FARS2: variants seen among roughly 807,000 people sequenced by gnomAD.
FARS2 encodes phenylalanine--tRNA ligase, mitochondrial.
Under a neutral mutation model 46.4 loss-of-function variants are expected in FARS2, and 40 were observed. That is an observed-to-expected ratio of 0.86 (90% CI 0.67 to 1.12). The LOEUF is 1.12. FARS2 is among the 50% of genes most tolerant of loss of function. The probability of loss-of-function intolerance (pLI) is 0.00; values close to 1 mark genes in which losing one functional copy is unlikely to be tolerated. For synonymous variants in FARS2, 234 were observed against 214.9 expected (o/e 1.09, Z -0.78); for missense variants, 513 against 567.9 (o/e 0.90, Z 0.98).
chr6:5,600,912 C>A (rs1323935168), intron 5 of FARS2, among the ~76,000 whole-genome samples: 1 of 152,160 alleles, frequency 6.6e-6, no homozygotes, highest in African/African-American at 2.4e-5. Flanking sequence ...TGAGATCCAA[C>A]CACTAGGGTA....
At chr6:5,645,149 T>C (rs73718341) in intron 6 of FARS2, among the ~76,000 whole-genome samples, 2,925 of 152,288 alleles carry the variant, frequency 0.019, 113 homozygotes, top group African/African-American at 0.067. Flanking sequence ...TACCCATCAG[T>C]AAATATTAGC....
chr6:5,455,571 A>G (rs1241150696), intron 4 of FARS2, among the ~76,000 whole-genome samples: 6 of 152,186 alleles, frequency 3.9e-5, no homozygotes, highest in African/African-American at 1.4e-4. Flanking sequence ...TGTTTTTATT[A>G]CCTTAATATC....
chr6:5,614,148 A>G (rs1033727345), intron 6 of FARS2, among the ~76,000 whole-genome samples: 8 of 152,070 alleles, frequency 5.3e-5, no homozygotes, highest in African/African-American at 1.7e-4. Flanking sequence ...ATTTTACCCT[A>G]ATTGTAGTGG....
In FARS2 at chr6:5,479,104, A is replaced by G. The variant is rs149634031; in HGVS notation, c.904+47932A>G. On this transcript the variant is annotated intron_variant, in intron 4 of 6. Coordinates refer to ENST00000274680, the MANE Select transcript of FARS2 (RefSeq NM_006567.5). Reference sequence around the variant, plus strand: ...ACCCGTGAATCTGTATCCTGGACATACTTGCAATGCGTATCAGCCTGTAGT... The same window carrying G: ...ACCCGTGAATCTGTATCCTGGACATGCTTGCAATGCGTATCAGCCTGTAGT... 1.1e-3 allele frequency among the ~76,000 whole-genome samples: 160 copies of G among 152,310 alleles called. 1 individual carries two copies. The highest frequency in any genetic ancestry group is 3.7e-3 in the African/African-American group (152 of 41,552).
chr6:5,685,311 T>G (rs1380037539), intron 6 of FARS2, among the ~76,000 whole-genome samples: 1 of 152,198 alleles, frequency 6.6e-6, no homozygotes, highest in African/African-American at 2.4e-5. Flanking sequence ...CCCCTTGGTT[T>G]CCTCTGGGTC....
chr6:5,401,330 A>C (rs1761241664), intron 2 of FARS2, among the ~76,000 whole-genome samples: 1 of 152,064 alleles, frequency 6.6e-6, no homozygotes, highest in Admixed American at 6.5e-5. Context: ...TTGCTTTTAT[A>C]CTTAAAACTT....
intron 6 of FARS2, among the ~76,000 whole-genome samples, chr6:5,633,206 C>T (rs903676799): frequency 4.8e-5 from 7 of 146,432 alleles, no homozygotes; most frequent in African/African-American, 1.8e-4. Flanking sequence ...TCAAGGGATT[C>T]TCCTACCTCA....
rs115204059 is a variant in FARS2 at position 5,333,675 on chromosome 6, G to A, written c.-21-34875G>A. Among the ~76,000 whole-genome samples the A allele has an allele frequency of 7.0e-3, 1,064 of 152,274 alleles. 7 individuals are homozygous for A. The highest frequency in any genetic ancestry group is 0.014 in the Middle Eastern group (4 of 294). On this transcript the variant is annotated intron_variant, in intron 1 of 6. Coordinates refer to ENST00000274680, the MANE Select transcript of FARS2 (RefSeq NM_006567.5). ...ATTGGTGGTGGCTGAGTATAATTGA[G>A]TTTCCTACACTTTAAAAACTGTACT...
chr6:5,612,106 C>CTT (rs149042829), intron 5 of FARS2, among the ~76,000 whole-genome samples: 5,429 of 152,292 alleles, frequency 0.036, 305 homozygotes, highest in African/African-American at 0.12. Context: ...CGGATGCTAA[C>CTT]TATCGTGTTT....
intron 5 of FARS2, among the ~76,000 whole-genome samples, chr6:5,604,882 A>G (rs1561746180): frequency 6.6e-6 from 1 of 152,182 alleles, no homozygotes; most frequent in Non-Finnish European, 1.5e-5. Context: ...CCGGTCATTG[A>G]ATGACTTTAT....
At chr6:5,454,106 A>G (rs1764674504) in intron 4 of FARS2, among the ~76,000 whole-genome samples, 1 of 152,086 alleles carries the variant, frequency 6.6e-6, no homozygotes, top group Admixed American at 6.6e-5. Context: ...CAATCTTTAG[A>G]AACATCATGT....
At chr6:5,258,958 C>T (rs1764807280), upstream of FARS2, among the ~76,000 whole-genome samples, 1 of 152,166 alleles carries the variant, frequency 6.6e-6, no homozygotes, top group African/African-American at 2.4e-5. Context: ...AACGCTTGGG[C>T]CTCATTTGCT....
At chr6:5,666,365 C>T (rs1031077123) in intron 6 of FARS2, among the ~76,000 whole-genome samples, 3 of 152,142 alleles carry the variant, frequency 2.0e-5, no homozygotes, top group African/African-American at 4.8e-5. Flanking sequence ...CCTGAATTTG[C>T]GTTGAGTTGA....
At chr6:5,688,260 G>C (rs1582765687) in intron 6 of FARS2, among the ~76,000 whole-genome samples, 1 of 152,134 alleles carries the variant, frequency 6.6e-6, no homozygotes, top group Admixed American at 6.5e-5. Context: ...GGTGGGAGAG[G>C]GCATCCCTGT....
chr6:5,529,567 A>G (rs1010288545), intron 4 of FARS2, among the ~76,000 whole-genome samples: 40 of 152,120 alleles, frequency 2.6e-4, no homozygotes, highest in African/African-American at 9.4e-4. Context: ...CAGCCTCTCA[A>G]AGTGCTGGGA....
chr6:5,423,330 T>C (rs1762664181), intron 3 of FARS2, among the ~76,000 whole-genome samples: 1 of 151,932 alleles, frequency 6.6e-6, no homozygotes. Flanking sequence ...GATTTCAGAA[T>C]GAGGGGCCCA....
chr6:5,378,149 ACCACCCACC>A lies in FARS2; in HGVS notation c.612+8970_612+8978del, dbSNP rs375343200. 5.5e-4 allele frequency among the ~76,000 whole-genome samples: 84 copies of A among 152,234 alleles called. 1 individual carries two copies. The highest frequency in any genetic ancestry group is 2.0e-3 in the African/African-American group (82 of 41,542). On this transcript the variant is annotated intron_variant, in intron 2 of 6. Transcript: ENST00000274680. ...CAAGAGGTGTGTGTTCAGTTCATATACCACCCACCCCTTTAAACATAATCATGCTCATTC... is the reference window on the plus strand; with the variant it reads ...CAAGAGGTGTGTGTTCAGTTCATATACCTTTAAACATAATCATGCTCATTC...
chr6:5,532,518 G>A (rs759967455), intron 4 of FARS2, among the ~76,000 whole-genome samples: 1 of 152,190 alleles, frequency 6.6e-6, no homozygotes. Context: ...TTGGGAGGCC[G>A]AGGCGGGTGG....
intron 6 of FARS2, among the ~76,000 whole-genome samples, chr6:5,666,850 A>G (rs1169091078): frequency 6.6e-6 from 1 of 152,246 alleles, no homozygotes; most frequent in Non-Finnish European, 1.5e-5. Flanking sequence ...GAGATAAAGA[A>G]AATGTGGTAC....
Sources: allele counts gnomAD v4.1 joint callset (sites outside exome capture counted in the v4.1 genomes callset), GRCh38; gene constraint gnomAD v4.1.1; transcripts MANE v1.5; gene names NCBI Gene and HGNC (gene_info 2026-07-23, HGNC 2026-07-21).